The following LAMC1 variants were observed in gnomAD, a reference collection of about 807,000 sequenced individuals.
LAMC1 encodes the protein laminin subunit gamma 1.
In LAMC1, 38 loss-of-function variants were observed where a neutral mutation model predicts 173.6. That is an observed-to-expected ratio of 0.22 (90% CI 0.17 to 0.29). The LOEUF (loss-of-function observed/expected upper bound fraction) is 0.29, where lower values mean the gene tolerates loss of function less well. Among genes scored for constraint, LAMC1 ranks in the 10% least tolerant of loss-of-function variants. LAMC1 has a pLI of 1.00. For synonymous variants in LAMC1, 746 were observed against 749.1 expected (o/e 1.00, Z 0.07); for missense variants, 1,824 against 2,051.8 (o/e 0.89, Z 2.14).
intron 1 of LAMC1, among the ~76,000 whole-genome samples, chr1:183,077,982 C>G (rs1655164042): frequency 6.6e-6 from 1 of 151,610 alleles, no homozygotes. Context: ...TTTTTCTTAT[C>G]CCTTAAAAGT....
At chr1:183,126,445 C>A (rs543825212) in intron 16 of LAMC1, among the ~76,000 whole-genome samples, 183 bp downstream of exon 16, 1 of 152,312 alleles carries the variant, frequency 6.6e-6, no homozygotes, top group South Asian at 2.1e-4. Context: ...CAGATCAAAG[C>A]CTTCTCTGGT....
chr1:183,139,742 T>C (rs1357206221), intron 26 of LAMC1, among the ~76,000 whole-genome samples: 1 of 152,236 alleles, frequency 6.6e-6, no homozygotes, highest in African/African-American at 2.4e-5. Flanking sequence ...TCCTCTTCCA[T>C]TGCTGTTTCC....
chr1:183,095,947 T>G (rs539276265), intron 1 of LAMC1, among the ~76,000 whole-genome samples: 23 of 152,324 alleles, frequency 1.5e-4, no homozygotes, highest in African/African-American at 5.3e-4. Context: ...TCTCCAAGGG[T>G]GTTTGACATT....
At position 183,135,173 on chromosome 1, in the gene LAMC1, T is replaced by C. The variant is rs1471781811; in HGVS notation, c.4114+17T>C. The C allele has an allele frequency of 3.3e-6, 5 of 1,513,308 alleles. No individual in the cohort carries two copies. The highest frequency in any genetic ancestry group is 4.6e-6 in the Non-Finnish European group (5 of 1,090,762). The allele number at this position is 1,513,308 out of a possible 1,614,324, so 93.7% of individuals were successfully genotyped here. Reference sequence around the variant, plus strand: ...ACCTGAAAGGTAGAAAAGGCTGAGATAACAGGGGCAAATGCTTCCGCCACT... The same window carrying C: ...ACCTGAAAGGTAGAAAAGGCTGAGACAACAGGGGCAAATGCTTCCGCCACT... On this transcript the variant is annotated intron_variant, in intron 24 of 27. Transcript: ENST00000258341.
chr1:183,029,043 A>G (rs543827248), intron 1 of LAMC1, among the ~76,000 whole-genome samples: 24 of 152,284 alleles, frequency 1.6e-4, no homozygotes, highest in African/African-American at 5.3e-4. Flanking sequence ...GAGTTTCTCA[A>G]CCGATGTTGC....
chr1:183,034,218 T>C (rs749367935), intron 1 of LAMC1, among the ~76,000 whole-genome samples: 2 of 152,226 alleles, frequency 1.3e-5, no homozygotes, highest in Admixed American at 6.5e-5. Context: ...GATAGATTTA[T>C]TCGTAATGTA....
intron 1 of LAMC1, among the ~76,000 whole-genome samples, chr1:183,045,483 GA>G (rs981569367): frequency 2.0e-5 from 3 of 151,802 alleles, no homozygotes; most frequent in Non-Finnish European, 2.9e-5. Flanking sequence ...CTTGCCAATT[GA>G]AAAAAAAGTT....
chr1:183,124,903 C>T (rs1656579499), intron 14 of LAMC1, 27 bp downstream of exon 14: 1 of 1,609,526 alleles, frequency 6.2e-7, no homozygotes, highest in Non-Finnish European at 8.5e-7. Flanking sequence ...CAGATTCTGT[C>T]ACAGCTAAAT....
At position 183,105,963 on chromosome 1, in the gene LAMC1, A is replaced by G. The variant is rs75759170; in HGVS notation, c.724-2313A>G. On this transcript the variant is annotated intron_variant, in intron 2 of 27. Coordinates refer to ENST00000258341, the MANE Select transcript of LAMC1 (RefSeq NM_002293.4). ...TTACATTTATTAAAGCACTTACTATAGCATACTATAATGTGACAAGCACTG... is the reference window on the plus strand; with the variant it reads ...TTACATTTATTAAAGCACTTACTATGGCATACTATAATGTGACAAGCACTG... 7.2e-3 allele frequency among the ~76,000 whole-genome samples: 1,103 copies of G among 152,372 alleles called. 5 individuals carry two copies. The highest frequency in any genetic ancestry group is 0.012 in the South Asian group (56 of 4,824).
chr1:183,031,102 G>A (rs1442048857), intron 1 of LAMC1, among the ~76,000 whole-genome samples: 2 of 152,170 alleles, frequency 1.3e-5, no homozygotes, highest in Non-Finnish European at 2.9e-5. Flanking sequence ...ATATTTGCTT[G>A]TTGTATATAG....
intron 14 of LAMC1, 165 bp downstream of exon 14, chr1:183,125,041 G>A (rs1571457391): frequency 2.4e-6 from 2 of 838,562 alleles, no homozygotes; most frequent in East Asian, 2.7e-5. Context: ...AAAGTATAAA[G>A]AAGGACAGTC....
chr1:183,071,422 G>A (rs1263839808), intron 1 of LAMC1, among the ~76,000 whole-genome samples: 1 of 152,190 alleles, frequency 6.6e-6, no homozygotes, highest in East Asian at 1.9e-4. Flanking sequence ...GGGAAGACAA[G>A]TCTACAGCTC....
At chr1:183,131,030 C>T (rs1455939335) in intron 19 of LAMC1, among the ~76,000 whole-genome samples, 1 of 152,004 alleles carries the variant, frequency 6.6e-6, no homozygotes, top group African/African-American at 2.4e-5. Flanking sequence ...CAAAATTAGC[C>T]GGGTATGGTG....
chr1:183,024,773 A>G (rs1277202576), intron 1 of LAMC1, among the ~76,000 whole-genome samples: 2 of 152,238 alleles, frequency 1.3e-5, no homozygotes, highest in Non-Finnish European at 2.9e-5. Context: ...AAGGAAGTGC[A>G]CTCACTGTAA....
At position 183,124,673 on chromosome 1, in the gene LAMC1, C is replaced by A; in HGVS notation, c.2444C>A (p.Pro815His). The A allele has an allele frequency of 6.2e-7, 1 of 1,614,158 alleles. No homozygotes were observed. The highest frequency in any genetic ancestry group is 8.5e-7 in the Non-Finnish European group (1 of 1,180,020). Residue 815 changes from proline to histidine, a missense_variant, in exon 14 of 28, where the codon CCC becomes CAC. Physicochemically the swap from Pro to His is moderately conservative, Grantham distance 77. Coordinates refer to ENST00000258341, the MANE Select transcript of LAMC1 (RefSeq NM_002293.4). ...TGTGATGATGGCTACTTTGGAGACC[C>A]CCTGGGTAGAAACGGCCCTGTGAGA... is the stretch of plus-strand genomic sequence containing the variant. ...ELCDDGYFGD[P>H]LGRNGPVRLC...
rs1252980686 is a variant in LAMC1 at position 183,023,709 on chromosome 1, G to C, written c.-8G>C. 4.2e-6 allele frequency: 5 copies of C among 1,176,624 alleles called. No individual in the cohort carries two copies. The allele number at this position is 1,176,624 out of a possible 1,614,324, so 72.9% of individuals were successfully genotyped here. The stretch of plus-strand genomic sequence containing the variant: ...GCCTTCGCCGTGACCCAGCGTGCGG[G>C]CGGCGGGATGAGAGGGAGCCATCGG... On this transcript the variant is annotated 5_prime_UTR_variant, in exon 1 of 28. Coordinates refer to ENST00000258341, the MANE Select transcript of LAMC1 (RefSeq NM_002293.4).
intron 1 of LAMC1, chr1:183,096,744 T>A (rs1655702995): frequency 6.6e-6 from 1 of 152,224 alleles, no homozygotes; most frequent in African/African-American, 2.4e-5. Context: ...TAAGGGATTG[T>A]CCTCTTGCAC....
At chr1:183,128,824 AG>A in intron 18 of LAMC1, 74 bp downstream of exon 18, 25 of 1,116,386 alleles carry the variant, frequency 2.2e-5, no homozygotes, top group Middle Eastern at 2.2e-4. Flanking sequence ...AAGCAAGGTT[AG>A]TATAGTTTTA....
Position 183,116,787 on chromosome 1 carries a change from A to T in LAMC1, c.1448A>T (p.Asn483Ile), listed in dbSNP as rs148657090. 97 of 1,614,078 alleles carry T rather than the reference A, an allele frequency of 6.0e-5. No homozygotes were observed. In the African/African-American group the frequency reaches 1.2e-3, roughly 20 times the overall value. ...NCERCKPGFF[N>I]LESSNPRGCT... ...TTCAGATGCAAACCTGGATTTTTTA[A>T]TCTGGAATCATCTAATCCTCGGGGT... The change falls in exon 8 of 28, where the codon AAT (asparagine) becomes ATT (isoleucine). Residue 483 changes from asparagine to isoleucine, a missense_variant. Asn to Ile is a moderately radical substitution (Grantham distance 149). Transcript: ENST00000258341.
Sources: gnomAD v4.1 joint callset for allele counts (sites outside exome capture counted in the v4.1 genomes callset) on GRCh38, gnomAD v4.1.1 for gene constraint, MANE v1.5 for transcripts, NCBI Gene and HGNC (gene_info 2026-07-23, HGNC 2026-07-21) for gene names.